Variants in IMMP2L observed in about 807,000 individuals in gnomAD.
The protein encoded by IMMP2L is mitochondrial inner membrane protease subunit 2.
In IMMP2L, 18 loss-of-function variants were observed where a neutral mutation model predicts 19.3. The ratio of observed to expected loss-of-function variants is 0.93; its 90% CI spans 0.64 to 1.38. IMMP2L has a LOEUF of 1.38. IMMP2L is among the 40% of genes most tolerant of loss of function. IMMP2L has a pLI of 0.00. For missense variants in IMMP2L, 233 were observed against 218.2 expected, an observed-to-expected ratio of 1.07 and a Z score of -0.43; for synonymous variants, 76 against 73.0, an observed-to-expected ratio of 1.04 and a Z score of -0.21.
rs140294087 is a variant in IMMP2L at position 110,905,243 on chromosome 7, T to A, written c.306-18548A>T. 6.8e-3 allele frequency among the ~76,000 whole-genome samples: 1,042 copies of A among 152,264 alleles called. 3 individuals carry two copies. The highest frequency in any genetic ancestry group is 0.011 in the Non-Finnish European group (764 of 67,988). ...AGATTCCCTTGTCATATGACTTCCATCCTCAGCACTACAATATTATCATTA... is the reference window on the plus strand; with the variant it reads ...AGATTCCCTTGTCATATGACTTCCAACCTCAGCACTACAATATTATCATTA... On this transcript the variant is annotated intron_variant, in intron 4 of 5. Coordinates refer to ENST00000405709, the MANE Select transcript of IMMP2L (RefSeq NM_032549.4).
chr7:110,724,526 G>GT (rs1481125768), intron 5 of IMMP2L: 3 of 152,140 alleles, frequency 2.0e-5, no homozygotes, highest in Admixed American at 6.6e-5. Context: ...ATGCACTGCT[G>GT]TAACTTCTTT....
At chr7:110,890,722 C>T (rs1810705572) in intron 4 of IMMP2L, among the ~76,000 whole-genome samples, 1 of 152,062 alleles carries the variant, frequency 6.6e-6, no homozygotes, top group Non-Finnish European at 1.5e-5. Flanking sequence ...CAAAAATGAG[C>T]TCTGTATGGT....
intron 5 of IMMP2L, among the ~76,000 whole-genome samples, chr7:110,703,017 C>T (rs1221016057): frequency 6.6e-6 from 1 of 152,052 alleles, no homozygotes. Context: ...TGCTTTATAG[C>T]CATGAAGTCC....
At chr7:111,145,860 A>C (rs1803411000) in intron 3 of IMMP2L, among the ~76,000 whole-genome samples, 1 of 152,150 alleles carries the variant, frequency 6.6e-6, no homozygotes, top group Non-Finnish European at 1.5e-5. Flanking sequence ...CAAAGGATGC[A>C]TTTGGCAAAT....
intron 5 of IMMP2L, among the ~76,000 whole-genome samples, chr7:110,875,070 A>G (rs1808931022): frequency 6.6e-6 from 1 of 152,142 alleles, no homozygotes; most frequent in Non-Finnish European, 1.5e-5. Flanking sequence ...AATGGCACTT[A>G]AATTTCAACA....
At chr7:111,384,610 A>G (rs1831555480) in intron 3 of IMMP2L, among the ~76,000 whole-genome samples, 1 of 152,098 alleles carries the variant, frequency 6.6e-6, no homozygotes, top group African/African-American at 2.4e-5. Flanking sequence ...ATAATAGGTA[A>G]AAATCTTTTG....
intron 4 of IMMP2L, among the ~76,000 whole-genome samples, chr7:110,889,775 C>T (rs1810601783): frequency 6.6e-6 from 1 of 152,194 alleles, no homozygotes; most frequent in African/African-American, 2.4e-5. Flanking sequence ...TTCAAGCTTA[C>T]ATGATCTGCA....
intron 3 of IMMP2L, among the ~76,000 whole-genome samples, chr7:111,075,594 A>G (rs559854171): frequency 6.6e-6 from 1 of 152,252 alleles, no homozygotes; most frequent in African/African-American, 2.4e-5. Context: ...AGCCTCCATA[A>G]CACTAGGCTC....
chr7:111,335,209 C>T (rs995440065), intron 3 of IMMP2L, among the ~76,000 whole-genome samples: 1 of 152,078 alleles, frequency 6.6e-6, no homozygotes, highest in African/African-American at 2.4e-5. Context: ...CCCTCACCTT[C>T]TCTTTGGAAC....
At chr7:111,255,102 C>T (rs1436849669) in intron 3 of IMMP2L, among the ~76,000 whole-genome samples, 1 of 151,932 alleles carries the variant, frequency 6.6e-6, no homozygotes, top group African/African-American at 2.4e-5. Flanking sequence ...CACCTCCACC[C>T]CAATCCCACT....
chr7:111,141,659 T>C (rs923716141), intron 3 of IMMP2L, among the ~76,000 whole-genome samples: 1 of 152,166 alleles, frequency 6.6e-6, no homozygotes, highest in Admixed American at 6.5e-5. Context: ...GGCATTTTAG[T>C]GACATTTCAA....
intron 3 of IMMP2L, among the ~76,000 whole-genome samples, chr7:110,990,016 T>C (rs1234155082): frequency 6.6e-6 from 1 of 152,150 alleles, no homozygotes; most frequent in African/African-American, 2.4e-5. Context: ...ATCAAGAGAT[T>C]TGCTCAATAA....
intron 5 of IMMP2L, among the ~76,000 whole-genome samples, chr7:110,843,621 C>T (rs799617): frequency 0.22 from 33,425 of 151,906 alleles, 3,859 homozygotes; most frequent in East Asian, 0.45. Flanking sequence ...GAATAAAACT[C>T]GGTGAACAGG....
chr7:111,406,369 C>G (rs1212732565), intron 3 of IMMP2L, among the ~76,000 whole-genome samples: 1 of 152,088 alleles, frequency 6.6e-6, no homozygotes, highest in Non-Finnish European at 1.5e-5. Flanking sequence ...AAGTCACAAC[C>G]ATTTTCACCT....
intron 5 of IMMP2L, among the ~76,000 whole-genome samples, chr7:110,685,612 G>A (rs1347724891): frequency 6.6e-6 from 1 of 152,068 alleles, no homozygotes; most frequent in Non-Finnish European, 1.5e-5. Context: ...GTTTATGATG[G>A]TTTATTGTAA....
At chr7:110,686,601 T>G (rs762285283) in intron 5 of IMMP2L, among the ~76,000 whole-genome samples, 1 of 151,984 alleles carries the variant, frequency 6.6e-6, no homozygotes, top group Non-Finnish European at 1.5e-5. Context: ...TTTTGGGATC[T>G]CCCTATTGCC....
intron 3 of IMMP2L, among the ~76,000 whole-genome samples, chr7:111,295,020 C>A (rs1398069450): frequency 6.6e-6 from 1 of 151,626 alleles, no homozygotes; most frequent in South Asian, 2.1e-4. Context: ...AACATCTGTT[C>A]GATACAAGTT....
In IMMP2L at chr7:110,760,072, C is replaced by T. The variant is rs181858794; in HGVS notation, c.409-96351G>A. 8.5e-5 allele frequency among the ~76,000 whole-genome samples: 13 copies of T among 152,236 alleles called. No individual in the cohort carries two copies. The East Asian group carries it at 2.1e-3, about 25-fold the overall frequency. On this transcript the variant is annotated intron_variant, in intron 5 of 5. Coordinates refer to ENST00000405709, the MANE Select transcript of IMMP2L (RefSeq NM_032549.4). The surrounding 1 kb of genome is among the most constrained non-coding windows in gnomAD (Gnocchi z 4.2). ...CATTTAATATGAAATCAAGTGGAGA[C>T]ATCTGTGCTTTGTCATCACAAAAGA...
intron 2 of IMMP2L, among the ~76,000 whole-genome samples, chr7:111,495,394 A>G (rs1176308106): frequency 6.6e-6 from 1 of 152,210 alleles, no homozygotes; most frequent in Non-Finnish European, 1.5e-5. Flanking sequence ...AGATGTTAGT[A>G]AGTTATGCTA....
Sources: gnomAD v4.1 joint callset for allele counts (sites outside exome capture counted in the v4.1 genomes callset) on GRCh38, gnomAD v4.1.1 for gene constraint, Gnocchi (gnomAD v3.1) non-coding constraint, MANE v1.5 for transcripts, NCBI Gene and HGNC (gene_info 2026-07-23, HGNC 2026-07-21) for gene names.